TTC13: variants seen among roughly 807,000 people sequenced by gnomAD.
TTC13 encodes the protein tetratricopeptide repeat domain 13.
Under a neutral mutation model 120.0 loss-of-function variants are expected in TTC13, and 62 were observed. That is an observed-to-expected ratio of 0.52 (90% confidence interval 0.42 to 0.64). TTC13 has a LOEUF of 0.64. Ranked by LOEUF, TTC13 falls within the 30% of genes least tolerant of loss-of-function variation. The pLI is 0.00. For missense variants in TTC13, 824 were observed against 1,050.2 expected (o/e 0.78, Z 2.98); for synonymous variants, 384 against 393.5 (o/e 0.98, Z 0.28).
intron 8 of TTC13, among the ~76,000 whole-genome samples, chr1:230,935,990 G>A (rs987476380): frequency 6.6e-6 from 1 of 152,150 alleles, no homozygotes; most frequent in Non-Finnish European, 1.5e-5. Flanking sequence ...AAGAGCTTGG[G>A]TGGGTGGCAA....
At chr1:230,961,337 C>A (rs1253480199) in intron 1 of TTC13, 34 bp from the exon 2 acceptor site, 1 of 1,485,252 alleles carries the variant, frequency 6.7e-7, no homozygotes, top group Admixed American at 1.7e-5. Flanking sequence ...ATTCTCTACA[C>A]CTTAATTTAT....
At chr1:230,968,714 A>G (rs571422184) in intron 1 of TTC13, among the ~76,000 whole-genome samples, 37 of 152,278 alleles carry the variant, frequency 2.4e-4, no homozygotes, top group African/African-American at 8.7e-4. Flanking sequence ...TAGGCACAGA[A>G]AGAGGGAAAA....
chr1:230,942,896 C>T lies in TTC13; in HGVS notation c.672+910G>A, dbSNP rs969585760. On this transcript the variant is annotated intron_variant, in intron 6 of 22. Transcript: ENST00000366661. This position sits in a 1 kb window ranked among gnomAD's most constrained non-coding sequence, Gnocchi z 4.0. ...TTCTCTTCCCAAAGAAGCGCCTCCT[C>T]TGTCTACTTGAGCCAGTATTACATG... 6.6e-6 allele frequency among the ~76,000 whole-genome samples: 1 copy of T among 152,208 alleles called. No homozygotes were observed. Among genetic ancestry groups the T allele is most frequent in the African/African-American group, 2.4e-5 (1 of 41,452 alleles).
At position 230,923,803 on chromosome 1, in the gene TTC13, T is replaced by C. The variant is rs750428126; in HGVS notation, c.1814+38A>G. 5.1e-6 allele frequency: 8 copies of C among 1,560,170 alleles called. No individual in the cohort carries two copies. The African/African-American group carries it at 9.5e-5, about 19-fold the overall frequency. On this transcript the variant is annotated intron_variant, in intron 15 of 22. Transcript: ENST00000366661. ...CATGGCCTGTGTCTTGAGAATAAACTCCTAGGAAAAGAAGAAAGATGCACA... is the reference window on the plus strand; with the variant it reads ...CATGGCCTGTGTCTTGAGAATAAACCCCTAGGAAAAGAAGAAAGATGCACA...
intron 8 of TTC13, among the ~76,000 whole-genome samples, chr1:230,937,048 G>A (rs1002172842): frequency 1.3e-5 from 2 of 152,196 alleles, no homozygotes; most frequent in African/African-American, 4.8e-5. Context: ...TTATGAGCAT[G>A]GTGAAAAGGA....
rs373226179 is a variant in TTC13, at chr1:230,957,775, T to G, written c.442+449A>C. Among the ~76,000 whole-genome samples the G allele has an allele frequency of 2.6e-5, 4 of 152,150 alleles. No homozygotes were observed. The East Asian group carries it at 5.8e-4, about 22-fold the overall frequency. On this transcript the variant is annotated intron_variant, in intron 3 of 22. Transcript: ENST00000366661. ...TCGTGCAGGTACGAATGAATTCAAT[T>G]TTTCTACACCCACATTCTTAGGCCC...
intron 5 of TTC13, 74 bp from the exon 6 acceptor site, chr1:230,943,972 T>A (rs1478574345): frequency 1.2e-5 from 12 of 988,956 alleles, no homozygotes; most frequent in Non-Finnish European, 1.7e-5. Flanking sequence ...CTGAGAAAAC[T>A]AATAATTTAG....
chr1:230,931,537 T>C (rs1009422487), intron 10 of TTC13, 65 bp from the exon 11 acceptor site: 2 of 1,567,368 alleles, frequency 1.3e-6, no homozygotes, highest in Non-Finnish European at 1.7e-6. Flanking sequence ...CTTTATTCTT[T>C]ACTCTGGAAT....
At chr1:230,950,407 C>T (rs962527393) in intron 4 of TTC13, among the ~76,000 whole-genome samples, 1 of 151,590 alleles carries the variant, frequency 6.6e-6, no homozygotes, top group African/African-American at 2.4e-5. Flanking sequence ...GGTGTTGTGT[C>T]TACTTAGATG....
At chr1:230,909,903 G>A (rs1178992035) in intron 20 of TTC13, among the ~76,000 whole-genome samples, 1 of 150,962 alleles carries the variant, frequency 6.6e-6, no homozygotes, top group Non-Finnish European at 1.5e-5. Context: ...TCTGGGGTAG[G>A]AGGCATTTGT....
At chr1:230,932,777 T>G (rs1673671516) in intron 9 of TTC13, among the ~76,000 whole-genome samples, 1 of 152,190 alleles carries the variant, frequency 6.6e-6, no homozygotes. Flanking sequence ...TTGAATGTAA[T>G]CCTTCCTGAA....
chr1:230,915,418 G>T (rs970363560), intron 18 of TTC13, among the ~76,000 whole-genome samples: 1 of 152,054 alleles, frequency 6.6e-6, no homozygotes, highest in South Asian at 2.1e-4. Context: ...GAATATGGAG[G>T]CTGACAGACA....
intron 11 of TTC13, among the ~76,000 whole-genome samples, chr1:230,929,431 C>T (rs1240759261): frequency 6.6e-6 from 1 of 151,740 alleles, no homozygotes; most frequent in East Asian, 1.9e-4. Flanking sequence ...TCTCCTGCCT[C>T]GGCCTCCCGA....
chr1:230,931,881 G>A lies in TTC13; in HGVS notation c.984-4C>T. 1 of 1,613,696 alleles carries A rather than the reference G, an allele frequency of 6.2e-7. No homozygotes were observed. Among genetic ancestry groups the A allele is most frequent in the South Asian group, 1.1e-5 (1 of 91,054 alleles). ...TGCTTCAAAATTGCCCAGTTCTCTA[G>A]GTATTTAATAATAGTTATGAATACA... On this transcript the variant is annotated splice_region_variant and splice_polypyrimidine_tract_variant and intron_variant, in intron 9 of 22. Coordinates refer to ENST00000366661, the MANE Select transcript of TTC13 (RefSeq NM_024525.5).
At chr1:230,936,143 G>T (rs1674032884) in intron 8 of TTC13, 1 of 455,754 alleles carries the variant, frequency 2.2e-6, no homozygotes, top group Non-Finnish European at 4.4e-6. Flanking sequence ...CCAGGGGGCT[G>T]CCCACTCCAC....
chr1:230,974,345 A>G (rs1490565536), intron 1 of TTC13, among the ~76,000 whole-genome samples: 1 of 152,178 alleles, frequency 6.6e-6, no homozygotes, highest in Non-Finnish European at 1.5e-5. Flanking sequence ...GGGCCCTACT[A>G]TATAGAGTCA....
chr1:230,908,197 GTTCT>G (rs1413004079), intron 22 of TTC13, among the ~76,000 whole-genome samples: 1 of 152,088 alleles, frequency 6.6e-6, no homozygotes, highest in Non-Finnish European at 1.5e-5. Context: ...TTTATTCATG[GTTCT>G]TTAAGAGTCA....
At position 230,931,337 on chromosome 1, in the gene TTC13, T is replaced by C; in HGVS notation, c.1261A>G (p.Lys421Glu). Residue 421 changes from lysine to glutamate, a missense_variant, in exon 11 of 23, where the codon AAG (lysine) becomes GAG (glutamate). By Grantham distance (56) the Lys-to-Glu change is moderately conservative. Coordinates refer to ENST00000366661, the MANE Select transcript of TTC13 (RefSeq NM_024525.5). The part of the protein sequence containing the change: ...VMLNDPLPGQ[K>E]ASPEYLKVKY... Reference sequence around the variant, plus strand: ...ACTTTAAGATACTCAGGGCTAGCCTTCTGGCCTGGGAGAGGATCATTCAGC... The same window carrying C: ...ACTTTAAGATACTCAGGGCTAGCCTCCTGGCCTGGGAGAGGATCATTCAGC... The C allele has an allele frequency of 6.2e-7, 1 of 1,614,198 alleles. No individual in the cohort carries two copies.
chr1:230,955,940 A>G (rs924049999), intron 3 of TTC13, among the ~76,000 whole-genome samples: 15 of 152,146 alleles, frequency 9.9e-5, no homozygotes, highest in Non-Finnish European at 8.8e-5. Context: ...GGATACCTTT[A>G]GTTTTGGTGG....
Sources: allele counts gnomAD v4.1 joint callset (sites outside exome capture counted in the v4.1 genomes callset), GRCh38; gene constraint gnomAD v4.1.1; non-coding constraint Gnocchi (gnomAD v3.1); transcripts MANE v1.5; gene names NCBI Gene and HGNC (gene_info 2026-07-23, HGNC 2026-07-21).